The following PAK1 variants were observed in gnomAD, a reference collection of about 807,000 sequenced individuals.
PAK1 encodes the protein serine/threonine-protein kinase PAK 1.
A neutral mutation model predicts 67.4 loss-of-function variants in PAK1; 29 were observed. The observed-to-expected ratio is 0.43, with a 90% CI of 0.32 to 0.59. The LOEUF is 0.59. Ranked by LOEUF, PAK1 falls within the 20% of genes least tolerant of loss-of-function variation. The pLI, the probability that PAK1 is intolerant of heterozygous loss-of-function variation, is 0.07. For missense variants in PAK1, 337 were observed against 670.7 expected, an observed-to-expected ratio of 0.50 and a Z score of 5.50; for synonymous variants, 223 against 237.4, an observed-to-expected ratio of 0.94 and a Z score of 0.56.
chr11:77,459,690 CTTTTTTTTTT>C (rs755731892), intron 1 of PAK1, among the ~76,000 whole-genome samples: 1 of 134,562 alleles, frequency 7.4e-6, no homozygotes, highest in Non-Finnish European at 1.6e-5. Flanking sequence ...TCTTCTTCTT[CTTTTTTTTTT>C]TTTTTTTTTT....
At chr11:77,525,820 T>C in the PAK1 span, among the ~76,000 whole-genome samples, 1 of 152,238 alleles carries the variant, frequency 6.6e-6, no homozygotes, top group South Asian at 2.1e-4. Flanking sequence ...TCTTTTCTTT[T>C]TGAAACCATC....
chr11:77,380,055 T>C, intron 2 of PAK1, 61 bp from the exon 3 acceptor site: 1 of 1,287,866 alleles, frequency 7.8e-7, no homozygotes, highest in Non-Finnish European at 1.1e-6. Flanking sequence ...TTAGGCTTAT[T>C]TTAGCTCTTT....
intron 2 of PAK1, among the ~76,000 whole-genome samples, chr11:77,388,544 G>A (rs1371313832): frequency 6.6e-6 from 1 of 152,052 alleles, no homozygotes; most frequent in Admixed American, 6.5e-5. Flanking sequence ...TAGTAGAGAC[G>A]GGGTTTCACC....
rs1052497787 is a variant in PAK1, at chr11:77,398,960, C to T, written c.-21-6419G>A. Reference sequence around the variant, plus strand: ...CTAAAAGTCTACCATGAGCTAAGTGCCAGAAAAGATAAATGAATTCTTATT... The same window carrying T: ...CTAAAAGTCTACCATGAGCTAAGTGTCAGAAAAGATAAATGAATTCTTATT... On this transcript the variant is annotated intron_variant, in intron 1 of 14. Transcript: ENST00000356341. 7.1e-4 allele frequency among the ~76,000 whole-genome samples: 108 copies of T among 152,088 alleles called. 1 individual carries two copies. Among genetic ancestry groups the T allele is most frequent in the Admixed American group, 7.0e-3 (107 of 15,256 alleles).
the PAK1 span, among the ~76,000 whole-genome samples, chr11:77,489,066 A>G: frequency 1.3e-5 from 2 of 152,192 alleles, no homozygotes; most frequent in South Asian, 4.1e-4. Flanking sequence ...AAAGAAACAA[A>G]TAACATACAG....
At chr11:77,469,059 A>C (rs1009945087) in intron 1 of PAK1, among the ~76,000 whole-genome samples, 10 of 152,288 alleles carry the variant, frequency 6.6e-5, no homozygotes, top group South Asian at 2.1e-4. Context: ...TACACACACA[A>C]AAAAAACATA....
intron 1 of PAK1, among the ~76,000 whole-genome samples, chr11:77,431,846 C>T (rs1453865110): frequency 6.6e-6 from 1 of 152,154 alleles, no homozygotes; most frequent in Non-Finnish European, 1.5e-5. Flanking sequence ...AAGGATATAC[C>T]TGAAGTCACA....
At chr11:77,481,291 A>T in the PAK1 span, among the ~76,000 whole-genome samples, 56 of 152,314 alleles carry the variant, frequency 3.7e-4, no homozygotes, top group South Asian at 5.6e-3. Context: ...CCAAATATAT[A>T]TAACTGTGCA....
chr11:77,457,004 G>A (rs1413666753), intron 1 of PAK1, among the ~76,000 whole-genome samples: 1 of 152,154 alleles, frequency 6.6e-6, no homozygotes, highest in Non-Finnish European at 1.5e-5. Context: ...GCCTCCCAAA[G>A]TGCTGGGATT....
At chr11:77,325,283 A>G in intron 14 of PAK1, 2 of 1,612,106 alleles carry the variant, frequency 1.2e-6, no homozygotes, top group Non-Finnish European at 1.7e-6. Context: ...AAGAGCATAC[A>G]CACTTGAGAG....
intron 1 of PAK1, among the ~76,000 whole-genome samples, chr11:77,431,041 T>C (rs146641535): frequency 6.6e-5 from 10 of 152,292 alleles, no homozygotes; most frequent in Admixed American, 4.6e-4. Flanking sequence ...ATGATAAATG[T>C]AATGCATTTG....
intron 2 of PAK1, among the ~76,000 whole-genome samples, chr11:77,384,528 T>C (rs73501471): frequency 0.029 from 4,403 of 152,262 alleles, 202 homozygotes; most frequent in African/African-American, 0.099. Flanking sequence ...AAGTGACGAA[T>C]AGATAAAATG....
At chr11:77,409,168 A>G (rs1954115869) in intron 1 of PAK1, among the ~76,000 whole-genome samples, 1 of 152,038 alleles carries the variant, frequency 6.6e-6, no homozygotes, top group Admixed American at 6.6e-5. Context: ...ACTACTTCAG[A>G]GGTTGAGGTA....
intron 5 of PAK1, among the ~76,000 whole-genome samples, chr11:77,367,186 G>A (rs1947713035): frequency 1.3e-5 from 2 of 152,196 alleles, no homozygotes; most frequent in African/African-American, 2.4e-5. Context: ...GGCTGAGCAT[G>A]GGAGTTTGAA....
chr11:77,384,718 T>G (rs753716073), intron 2 of PAK1, among the ~76,000 whole-genome samples: 24 of 151,808 alleles, frequency 1.6e-4, no homozygotes, highest in East Asian at 3.9e-4. Flanking sequence ...AGACACAGAG[T>G]AGATTAGTGG....
the PAK1 span, among the ~76,000 whole-genome samples, chr11:77,523,108 AC>A: frequency 4.6e-5 from 7 of 152,254 alleles, no homozygotes; most frequent in Admixed American, 1.3e-4. Context: ...TGGAAAAACT[AC>A]TTGTTGGGTA....
At chr11:77,400,288 G>A (rs1952498727) in intron 1 of PAK1, among the ~76,000 whole-genome samples, 1 of 152,208 alleles carries the variant, frequency 6.6e-6, no homozygotes, top group Admixed American at 6.5e-5. Flanking sequence ...GACTGAAAAA[G>A]TGGGACAGTG....
chr11:77,393,288 AGAGAGAG>A (rs1951394578), intron 1 of PAK1, among the ~76,000 whole-genome samples: 2 of 34,074 alleles, frequency 5.9e-5, no homozygotes, highest in African/African-American at 1.8e-4. Flanking sequence ...AAAAAAAAAG[AGAGAGAG>A]AGAGAGAGAG....
chr11:77,373,677 T>C (rs1388791080), intron 5 of PAK1, among the ~76,000 whole-genome samples: 1 of 151,142 alleles, frequency 6.6e-6, no homozygotes, highest in Admixed American at 6.6e-5. Context: ...CCCTGGGAAA[T>C]AGAATTTGTA....
Sources: allele counts gnomAD v4.1 joint callset (sites outside exome capture counted in the v4.1 genomes callset), GRCh38; gene constraint gnomAD v4.1.1; transcripts MANE v1.5; gene names NCBI Gene and HGNC (gene_info 2026-07-23, HGNC 2026-07-21).